Variants in POT1 observed in about 807,000 individuals in gnomAD.
POT1 encodes protection of telomeres 1, also known as protection of telomeres protein 1.
In POT1, 47 loss-of-function variants were observed where a neutral mutation model predicts 78.5. The ratio of observed to expected loss-of-function variants is 0.60; its 90% CI spans 0.47 to 0.76. The LOEUF (loss-of-function observed/expected upper bound fraction) is 0.76. POT1 is among the 30% of genes least tolerant of loss of function. The pLI is 0.00. For missense variants in POT1, 646 were observed against 749.9 expected, an observed-to-expected ratio of 0.86 and a Z score of 1.62; for synonymous variants, 259 against 260.7, an observed-to-expected ratio of 0.99 and a Z score of 0.06.
At chr7:124,921,274 T>C (rs1797143060) in intron 2 of POT1, among the ~76,000 whole-genome samples, 1 of 152,102 alleles carries the variant, frequency 6.6e-6, no homozygotes, top group Non-Finnish European at 1.5e-5. Context: ...TCAGTATTAA[T>C]GATATGTCAA....
chr7:124,877,840 C>CAGAAAAAAAAAAAA (rs1796027309), intron 6 of POT1, among the ~76,000 whole-genome samples: 1 of 80,544 alleles, frequency 1.2e-5, no homozygotes, highest in Non-Finnish European at 2.7e-5. Context: ...GATTCTGTCT[C>CAGAAAAAAAAAAAA]AAAAAAAAAA....
In POT1 at chr7:124,829,234, G is replaced by A. The variant is rs779710848; in HGVS notation, c.1594+20C>T. The A allele has an allele frequency of 2.6e-5, 39 of 1,508,286 alleles. No individual in the cohort carries two copies. The South Asian group carries it at 4.3e-4, about 17-fold the overall frequency. The allele number at this position is 1,508,286 out of a possible 1,614,324, so 93.4% of individuals were successfully genotyped here. On this transcript the variant is annotated intron_variant, in intron 16 of 18. Transcript: ENST00000357628. ...TGTAAACAAACAGTTAAAATTGCAGGGCATGGAAATTTAGCTAACCTTCTG... is the reference window on the plus strand; with the variant it reads ...TGTAAACAAACAGTTAAAATTGCAGAGCATGGAAATTTAGCTAACCTTCTG...
At chr7:124,884,560 G>C (rs1026749545) in intron 6 of POT1, among the ~76,000 whole-genome samples, 2 of 152,060 alleles carry the variant, frequency 1.3e-5, no homozygotes, top group Admixed American at 6.6e-5. Flanking sequence ...TGAGCCCACA[G>C]GTGATGTACC....
intron 6 of POT1, among the ~76,000 whole-genome samples, 166 bp downstream of exon 6, chr7:124,892,100 G>A (rs895415620): frequency 1.3e-5 from 2 of 151,422 alleles, no homozygotes; most frequent in Admixed American, 6.6e-5. Flanking sequence ...TAAAGATCAC[G>A]TTTATTTTAC....
At chr7:124,902,358 T>G (rs1231134804) in intron 3 of POT1, among the ~76,000 whole-genome samples, 1 of 151,840 alleles carries the variant, frequency 6.6e-6, no homozygotes, top group Non-Finnish European at 1.5e-5. Context: ...CAGAAGAGAG[T>G]TGGGGCCAAT....
intron 2 of POT1, among the ~76,000 whole-genome samples, chr7:124,928,609 A>C (rs1797333022): frequency 6.6e-6 from 1 of 152,250 alleles, no homozygotes; most frequent in Non-Finnish European, 1.5e-5. Context: ...TGTACCTCAG[A>C]AACTTACTCC....
intron 15 of POT1, among the ~76,000 whole-genome samples, chr7:124,831,425 C>T (rs1003212468): frequency 2.0e-5 from 3 of 152,162 alleles, no homozygotes; most frequent in African/African-American, 7.2e-5. Flanking sequence ...CATACACATA[C>T]AATTGAAATG....
intron 6 of POT1, among the ~76,000 whole-genome samples, chr7:124,887,712 T>C (rs1796279962): frequency 6.6e-6 from 1 of 152,040 alleles, no homozygotes. Context: ...TTAAGCATAG[T>C]TTAATTAGCA....
chr7:124,853,724 C>CA lies in POT1; in HGVS notation c.703-587_703-586insT, dbSNP rs1562988120. Reference sequence around the variant, plus strand: ...GTGTGAAACACTCCTTGAGTTCAAACGTAAGAGTTAACTAATTAGAGTTTT... The same window carrying CA: ...GTGTGAAACACTCCTTGAGTTCAAACAGTAAGAGTTAACTAATTAGAGTTTT... On this transcript the variant is annotated intron_variant, in intron 9 of 18. Coordinates refer to ENST00000357628, the MANE Select transcript of POT1 (RefSeq NM_015450.3). 7.4e-5 allele frequency among the ~76,000 whole-genome samples: 7 copies of CA among 94,880 alleles called. No homozygotes were observed. In the East Asian group the frequency reaches 1.6e-3, roughly 22 times the overall value. 62.2% of individuals were successfully genotyped at this position (94,880 alleles called of 152,430 possible). A position where few individuals can be genotyped will look rare whatever the true frequency, so the allele number is the denominator to read the frequency against.
chr7:124,865,950 A>G (rs1029167360), intron 7 of POT1, among the ~76,000 whole-genome samples: 1 of 152,104 alleles, frequency 6.6e-6, no homozygotes, highest in African/African-American at 2.4e-5. Flanking sequence ...GACTAAGGGT[A>G]ACACTTTGTT....
chr7:124,846,257 C>T (rs952164127), intron 12 of POT1, among the ~76,000 whole-genome samples: 1 of 151,996 alleles, frequency 6.6e-6, no homozygotes, highest in Non-Finnish European at 1.5e-5. Context: ...ACATCGACTT[C>T]TGTATTTACC....
intron 3 of POT1, among the ~76,000 whole-genome samples, chr7:124,914,629 T>C (rs888923323): frequency 6.6e-6 from 1 of 152,176 alleles, no homozygotes; most frequent in African/African-American, 2.4e-5. Flanking sequence ...TTTTAAAAAA[T>C]TATACTACAA....
In POT1 at chr7:124,863,135, A is replaced by G. The variant is rs6961292; in HGVS notation, c.546+215T>C. Among the ~76,000 whole-genome samples the G allele has an allele frequency of 0.6, 91,181 of 151,924 alleles. 27,490 individuals are homozygous for G. Among genetic ancestry groups the G allele is most frequent in the African/African-American group, 0.64 (26,712 of 41,438 alleles). On this transcript the variant is annotated intron_variant, in intron 8 of 18. Coordinates refer to ENST00000357628, the MANE Select transcript of POT1 (RefSeq NM_015450.3). ...CATACTATATTTAACATGTAGATCT[A>G]ATAACACTATATTTCTCTGGAAGGA...
chr7:124,825,577 A>G (rs1022578149), intron 17 of POT1, among the ~76,000 whole-genome samples: 1 of 152,110 alleles, frequency 6.6e-6, no homozygotes, highest in Non-Finnish European at 1.5e-5. Context: ...AATCAAGTAA[A>G]TTGCTCTGAT....
chr7:124,827,451 C>T (rs1794659144), intron 16 of POT1, 146 bp from the exon 17 acceptor site: 1 of 439,134 alleles, frequency 2.3e-6, no homozygotes, highest in African/African-American at 2.1e-5. Flanking sequence ...GGCATTATCT[C>T]CAGGTAGATA....
chr7:124,912,157 C>T (rs890984001), intron 3 of POT1, among the ~76,000 whole-genome samples: 5 of 151,938 alleles, frequency 3.3e-5, no homozygotes, highest in African/African-American at 4.8e-5. Context: ...TACTGAGTTC[C>T]CACTATGTGC....
At chr7:124,900,781 A>G in intron 3 of POT1, 1 of 363,576 alleles carries the variant, frequency 2.8e-6, no homozygotes, top group South Asian at 2.1e-5. Context: ...TACCTGGAAC[A>G]TCGGGACACT....
At chr7:124,871,488 CA>C (rs1795866779) in intron 6 of POT1, among the ~76,000 whole-genome samples, 1 of 151,918 alleles carries the variant, frequency 6.6e-6, no homozygotes, top group Non-Finnish European at 1.5e-5. Flanking sequence ...TCATAAAAAT[CA>C]GGATGATACA....
chr7:124,831,989 T>C, intron 15 of POT1, among the ~76,000 whole-genome samples: 1 of 133,238 alleles, frequency 7.5e-6, no homozygotes, highest in Non-Finnish European at 1.6e-5. Flanking sequence ...AACATTTAAT[T>C]TCTTAAAAAT....
Sources: gnomAD v4.1 joint callset for allele counts (sites outside exome capture counted in the v4.1 genomes callset) on GRCh38, gnomAD v4.1.1 for gene constraint, MANE v1.5 for transcripts, NCBI Gene and HGNC (gene_info 2026-07-23, HGNC 2026-07-21) for gene names.